OPCML: variants seen among roughly 807,000 people sequenced by gnomAD.
The protein encoded by OPCML is opioid-binding protein/cell adhesion molecule.
Under a neutral mutation model 37.8 loss-of-function variants are expected in OPCML, and 13 were observed. The ratio of observed to expected loss-of-function variants is 0.34; its 90% CI spans 0.22 to 0.55. The LOEUF (loss-of-function observed/expected upper bound fraction) is 0.55, where lower values mean the gene tolerates loss of function less well. Ranked by LOEUF, OPCML falls within the 20% of genes least tolerant of loss-of-function variation. OPCML has a pLI of 0.91. For missense variants in OPCML, 341 were observed against 435.6 expected, an observed-to-expected ratio of 0.78 and a Z score of 1.93; for synonymous variants, 176 against 168.8, an observed-to-expected ratio of 1.04 and a Z score of -0.33.
At chr11:133,495,658 T>C (rs1947769891) in intron 1 of OPCML, among the ~76,000 whole-genome samples, 1 of 152,238 alleles carries the variant, frequency 6.6e-6, no homozygotes, top group Admixed American at 6.5e-5. Context: ...CCATTAGTGA[T>C]ATTGAGCATT....
intron 1 of OPCML, among the ~76,000 whole-genome samples, chr11:133,051,625 T>C (rs1948133336): frequency 6.6e-6 from 1 of 152,186 alleles, no homozygotes; most frequent in Non-Finnish European, 1.5e-5. Context: ...TTGATGACCA[T>C]TGGGAAAGAA....
At chr11:132,571,322 G>A (rs111985721) in intron 3 of OPCML, among the ~76,000 whole-genome samples, 206 of 152,070 alleles carry the variant, frequency 1.4e-3, no homozygotes, top group African/African-American at 3.9e-3. Flanking sequence ...CCTGTCAGAC[G>A]GCCTATCATG....
chr11:133,458,842 T>TAGATGCACGTGTGTGTGTATATACACAC, intron 1 of OPCML, among the ~76,000 whole-genome samples: 1 of 149,868 alleles, frequency 6.7e-6, no homozygotes, highest in Non-Finnish European at 1.5e-5. Context: ...TATATACACA[T>TAGATGCACGTGTGTGTGTATATACACAC]AGATGCACGT....
At chr11:132,962,444 A>G (rs1565369529) in intron 1 of OPCML, among the ~76,000 whole-genome samples, 1 of 152,238 alleles carries the variant, frequency 6.6e-6, no homozygotes, top group Non-Finnish European at 1.5e-5. Flanking sequence ...TTGCCTGTGC[A>G]TCATCAGTTT....
At chr11:132,855,328 C>T (rs1942013229) in intron 2 of OPCML, among the ~76,000 whole-genome samples, 1 of 152,192 alleles carries the variant, frequency 6.6e-6, no homozygotes, top group Non-Finnish European at 1.5e-5. Flanking sequence ...CAAACCCATT[C>T]CCTAGCCCCC....
At chr11:133,333,161 C>T (rs559119860) in intron 1 of OPCML, among the ~76,000 whole-genome samples, 42 of 152,158 alleles carry the variant, frequency 2.8e-4, no homozygotes, top group Admixed American at 1.9e-3. Flanking sequence ...CAGGTTCAAG[C>T]GACTCTTCTG....
intron 2 of OPCML, among the ~76,000 whole-genome samples, chr11:132,863,602 G>A (rs190663840): frequency 1.4e-4 from 21 of 152,268 alleles, no homozygotes; most frequent in African/African-American, 4.1e-4. Flanking sequence ...GTCAGAACAC[G>A]TTTTCTCCAA....
intron 2 of OPCML, among the ~76,000 whole-genome samples, chr11:132,680,900 C>T (rs974645783): frequency 5.3e-5 from 8 of 152,186 alleles, no homozygotes; most frequent in South Asian, 4.1e-4. Flanking sequence ...CAGTTTTCTC[C>T]CGCTCCAAAC....
intron 1 of OPCML, among the ~76,000 whole-genome samples, chr11:133,296,702 A>T (rs1406056835): frequency 6.6e-6 from 1 of 152,212 alleles, no homozygotes; most frequent in Non-Finnish European, 1.5e-5. Flanking sequence ...CCAACTGTGT[A>T]TTCAATGGGT....
In OPCML at chr11:132,604,061, T is replaced by A. The variant is rs576329485; in HGVS notation, c.379+53026A>T. Among the ~76,000 whole-genome samples the A allele has an allele frequency of 2.3e-3, 343 of 152,324 alleles. 1 individual carries two copies. Among genetic ancestry groups the A allele is most frequent in the Non-Finnish European group, 2.3e-3 (158 of 68,032 alleles). On this transcript the variant is annotated intron_variant, in intron 3 of 7. Coordinates refer to ENST00000524381, the MANE Select transcript of OPCML (RefSeq NM_001012393.5). The stretch of plus-strand genomic sequence containing the variant: ...GCCATTTCATGCTCTGTGCCTGGAA[T>A]ACTTGTTGGTGCTCCACATTTGTTA...
At chr11:132,741,238 T>C (rs1945424369) in intron 2 of OPCML, among the ~76,000 whole-genome samples, 2 of 152,224 alleles carry the variant, frequency 1.3e-5, no homozygotes, top group Admixed American at 6.5e-5. Flanking sequence ...TCAGTACCTC[T>C]GTCTTCTGAG....
chr11:132,731,494 C>T (rs1003814673), intron 2 of OPCML, among the ~76,000 whole-genome samples: 1 of 152,154 alleles, frequency 6.6e-6, no homozygotes, highest in Non-Finnish European at 1.5e-5. Context: ...AGTCTATGAT[C>T]AAAAGTTGAG....
At chr11:133,289,085 C>T (rs193200255) in intron 1 of OPCML, among the ~76,000 whole-genome samples, 297 of 152,246 alleles carry the variant, frequency 2.0e-3, no homozygotes, top group Admixed American at 4.9e-3. Context: ...AAGAATAATG[C>T]AGACCAGAAT....
chr11:132,650,338 C>T (rs1203790035), intron 3 of OPCML, among the ~76,000 whole-genome samples: 6 of 152,086 alleles, frequency 3.9e-5, no homozygotes, highest in Non-Finnish European at 2.9e-5. Context: ...AGGAGAGACA[C>T]AGAGTGCAGA....
intron 3 of OPCML, among the ~76,000 whole-genome samples, chr11:132,628,907 A>G (rs999029732): frequency 2.6e-5 from 4 of 152,112 alleles, no homozygotes; most frequent in African/African-American, 4.8e-5. Context: ...CTTCCGCCAC[A>G]ATTGTTAAGT....
intron 1 of OPCML, among the ~76,000 whole-genome samples, chr11:133,352,612 A>T (rs963849713): frequency 4.6e-5 from 7 of 152,168 alleles, no homozygotes. Flanking sequence ...TAAGGACTTA[A>T]CTCTTTTATT....
At chr11:132,801,453 T>C (rs1202855218) in intron 2 of OPCML, among the ~76,000 whole-genome samples, 2 of 152,186 alleles carry the variant, frequency 1.3e-5, no homozygotes, top group Non-Finnish European at 1.5e-5. Flanking sequence ...CAGAATGGTA[T>C]ACCAGCCCTC....
intron 1 of OPCML, among the ~76,000 whole-genome samples, chr11:132,950,179 T>C (rs1945828400): frequency 6.6e-6 from 1 of 152,116 alleles, no homozygotes; most frequent in Non-Finnish European, 1.5e-5. Context: ...AGACGGGTTG[T>C]GATTGAAAAG....
rs1328774925 is a variant in OPCML, at chr11:133,532,438, G to A, written c.-114C>T. On this transcript the variant is annotated 5_prime_UTR_variant, in exon 1 of 8. Coordinates refer to ENST00000524381, the MANE Select transcript of OPCML (RefSeq NM_001012393.5). ...CAGGTTTAAATCCAATGTTTGCAAA[G>A]GGAGGGAGAGAGCAGAAGAGAGAGA... 2.3e-6 allele frequency: 3 copies of A among 1,295,052 alleles called. No individual in the cohort carries two copies. The highest frequency in any genetic ancestry group is 1.5e-5 in the African/African-American group (1 of 68,204). 80.2% of individuals were successfully genotyped at this position (1,295,052 alleles called of 1,614,324 possible).
Sources: allele counts gnomAD v4.1 joint callset (sites outside exome capture counted in the v4.1 genomes callset), GRCh38; gene constraint gnomAD v4.1.1; transcripts MANE v1.5; gene names NCBI Gene and HGNC (gene_info 2026-07-23, HGNC 2026-07-21).